The following DZANK1 variants were observed in gnomAD, a reference collection of about 807,000 sequenced individuals.
DZANK1 encodes double zinc ribbon and ankyrin repeat-containing protein 1.
DZANK1 carries 91 observed loss-of-function variants against 94.5 expected under a neutral mutation model. The observed-to-expected ratio is 0.96, with a 90% CI of 0.81 to 1.15. The LOEUF (loss-of-function observed/expected upper bound fraction) is 1.15, where lower values mean the gene tolerates loss of function less well. Among genes scored for constraint, DZANK1 ranks in the 50% most tolerant of loss-of-function variants. The pLI is 0.00. For missense variants in DZANK1, 903 were observed against 916.4 expected, an observed-to-expected ratio of 0.99 and a Z score of 0.19; for synonymous variants, 312 against 325.3, an observed-to-expected ratio of 0.96 and a Z score of 0.44.
At chr20:18,394,646 G>C (rs200066756) in intron 15 of DZANK1, 36 of 589,434 alleles carry the variant, frequency 6.1e-5, no homozygotes, top group Non-Finnish European at 1.1e-4. Flanking sequence ...GGGTCTGCCA[G>C]CCTCCCTGCA....
exon 2 of DZANK1, chr20:18,465,312 A>G (rs1380998963): frequency 1.1e-5 from 17 of 1,611,790 alleles, no homozygotes; most frequent in Non-Finnish European, 1.3e-5. Flanking sequence ...AGGCTGAGGC[A>G]CTCGTAATGG....
At chr20:18,405,532 G>GA (rs2056919069) in intron 13 of DZANK1, among the ~76,000 whole-genome samples, 2 of 152,174 alleles carry the variant, frequency 1.3e-5, no homozygotes, top group African/African-American at 2.4e-5. Flanking sequence ...AAATGGGACA[G>GA]AAAAAAATAT....
At chr20:18,418,657 G>T (rs1459829196) in intron 10 of DZANK1, among the ~76,000 whole-genome samples, 1 of 152,140 alleles carries the variant, frequency 6.6e-6, no homozygotes, top group Non-Finnish European at 1.5e-5. Flanking sequence ...GGAATGTGCT[G>T]CCTGGAACAA....
intron 15 of DZANK1, among the ~76,000 whole-genome samples, chr20:18,395,755 C>T (rs2056306718): frequency 6.6e-6 from 1 of 152,164 alleles, no homozygotes; most frequent in Non-Finnish European, 1.5e-5. Flanking sequence ...CTTCCCTTCC[C>T]CTGAAGTTCC....
intron 9 of DZANK1, among the ~76,000 whole-genome samples, chr20:18,431,912 T>G (rs1021656068): frequency 1.3e-5 from 2 of 152,226 alleles, no homozygotes; most frequent in African/African-American, 4.8e-5. Context: ...ATGTTCTAAC[T>G]TTGTCTCACC....
chr20:18,394,484 T>C (rs1261929325), intron 15 of DZANK1, 134 bp from the exon 16 acceptor site: 8 of 876,560 alleles, frequency 9.1e-6, no homozygotes, highest in Non-Finnish European at 1.5e-5. Context: ...GCCTGAGACC[T>C]GGATGTCCTT....
intron 13 of DZANK1, among the ~76,000 whole-genome samples, chr20:18,408,168 T>C (rs2057052358): frequency 6.6e-6 from 1 of 152,104 alleles, no homozygotes; most frequent in Admixed American, 6.6e-5. Flanking sequence ...ATATAAAAAT[T>C]AGCCAGGCAT....
intron 2 of DZANK1, among the ~76,000 whole-genome samples, chr20:18,462,845 T>C (rs2059519022): frequency 1.4e-5 from 2 of 147,938 alleles, no homozygotes; most frequent in Non-Finnish European, 3.0e-5. Flanking sequence ...GACTGAGGCA[T>C]GAAAATCACC....
chr20:18,402,532 T>C (rs538278453), intron 13 of DZANK1, among the ~76,000 whole-genome samples: 56 of 152,116 alleles, frequency 3.7e-4, no homozygotes, highest in South Asian at 6.2e-4. Flanking sequence ...CCACTGAACA[T>C]GGGGACAGCC....
chr20:18,383,533 T>C lies in DZANK1; in HGVS notation c.*866A>G, dbSNP rs947705874. The C allele has an allele frequency of 1.2e-4, 18 of 152,184 alleles. 1 individual carries two copies. Among genetic ancestry groups the C allele is most frequent in the Admixed American group, 6.5e-5 (1 of 15,288 alleles). 9.4% of individuals were successfully genotyped at this position (152,184 alleles called of 1,614,324 possible). Reference sequence around the variant, plus strand: ...GATGTATCAAGCAAACAGAGCAAGATACAGAACAGTGTGTGGTTGGTTTGC... The same window carrying C: ...GATGTATCAAGCAAACAGAGCAAGACACAGAACAGTGTGTGGTTGGTTTGC... On this transcript the variant is annotated 3_prime_UTR_variant, in exon 21 of 21. Coordinates refer to ENST00000262547, the Ensembl canonical transcript of DZANK1.
chr20:18,452,703 A>C, intron 5 of DZANK1: 1 of 1,602,604 alleles, frequency 6.2e-7, no homozygotes, highest in East Asian at 2.2e-5. Flanking sequence ...AAGATCTTTC[A>C]AAGTTTTAGG....
rs150264642 is a variant in DZANK1 at position 18,415,403 on chromosome 20, C to A, written c.1001G>T (p.Gly334Val). 1,053 of 1,591,806 alleles carry A rather than the reference C, an allele frequency of 6.6e-4. 2 individuals carry two copies. Among genetic ancestry groups the A allele is most frequent in the Non-Finnish European group, 8.5e-4 (990 of 1,168,692 alleles). Residue 334 changes from glycine (G) to valine (V), a missense_variant, in exon 11 of 21, where the codon GGG (glycine) becomes GTG (valine). Physicochemically the swap from Gly to Val is moderately radical, Grantham distance 109 (BLOSUM62 -3). Coordinates refer to ENST00000262547, the Ensembl canonical transcript of DZANK1. ...ACATCTGTAGCAGGAAATGGTCCCC[C>A]CTTTCTGAGTGGGCGGAGGAGGGGC...
At chr20:18,423,373 C>A (rs1024660379) in intron 10 of DZANK1, among the ~76,000 whole-genome samples, 1 of 152,160 alleles carries the variant, frequency 6.6e-6, no homozygotes, top group African/African-American at 2.4e-5. Context: ...ATGTACAAGT[C>A]TTTCACTTCC....
chr20:18,432,828 ATATT>A (rs2058337828), intron 9 of DZANK1: 1 of 152,206 alleles, frequency 6.6e-6, no homozygotes, highest in Non-Finnish European at 1.5e-5. Flanking sequence ...AATGGAGAAA[ATATT>A]TAGTTGTATG....
chr20:18,393,747 C>T (rs754878964), exon 17 of DZANK1: 2 of 1,612,904 alleles, frequency 1.2e-6, no homozygotes, highest in Non-Finnish European at 1.7e-6. Flanking sequence ...AAGTTTTGGT[C>T]TTGAAATTCT....
At chr20:18,453,678 C>T (rs894023287) in intron 5 of DZANK1, 53 bp downstream of exon 5, 1 of 1,299,000 alleles carries the variant, frequency 7.7e-7, no homozygotes, top group Non-Finnish European at 1.1e-6. Flanking sequence ...TGCCATGAAC[C>T]TCTTCGGTGG....
chr20:18,406,752 C>T lies in DZANK1; in HGVS notation c.1432+5894G>A, dbSNP rs931725914. Among the ~76,000 whole-genome samples the T allele has an allele frequency of 2.6e-5, 4 of 152,348 alleles. No homozygotes were observed. The South Asian group carries it at 8.3e-4, about 32-fold the overall frequency. ...AGCAACAAGCAGGCTCTTGGGGTCC[C>T]TGAGTCTAGGCCTAGGGCCTTGGAC... On this transcript the variant is annotated intron_variant, in intron 13 of 20. Coordinates refer to ENST00000262547, the Ensembl canonical transcript of DZANK1.
chr20:18,451,614 C>T (rs997330445), intron 6 of DZANK1, among the ~76,000 whole-genome samples: 1 of 152,116 alleles, frequency 6.6e-6, no homozygotes, highest in Non-Finnish European at 1.5e-5. Context: ...TGTGAACTTG[C>T]ACATCCAACA....
chr20:18,390,416 T>TC lies in DZANK1; in HGVS notation c.1852dup (p.Glu618GlyfsTer8), dbSNP rs1568870545. On this transcript the variant is annotated frameshift_variant, in exon 18 of 21. Transcript: ENST00000262547. LOFTEE classifies it high-confidence loss of function. ...CTGTTCAATCACAGAGACTCTTCCT[T>TC]CCCCCGTGGGTCCGACTTCCTTCAG... 14 of 1,613,920 alleles carry TC rather than the reference T, an allele frequency of 8.7e-6. No individual in the cohort carries two copies. The highest frequency in any genetic ancestry group is 1.1e-5 in the Non-Finnish European group (13 of 1,179,840).
Sources: gnomAD v4.1 joint callset for allele counts (sites outside exome capture counted in the v4.1 genomes callset) on GRCh38, gnomAD v4.1.1 for gene constraint, MANE v1.5 for transcripts, NCBI Gene and HGNC (gene_info 2026-07-23, HGNC 2026-07-21) for gene names.